DMD: variants seen among roughly 807,000 people sequenced by gnomAD.
The protein encoded by DMD is mutant dystrophin.
Under a neutral mutation model 330.1 loss-of-function variants are expected in DMD, and 63 were observed. That is an observed-to-expected ratio of 0.19 (90% confidence interval 0.16 to 0.24). The LOEUF is 0.24. Among genes scored for constraint, DMD ranks in the 10% least tolerant of loss-of-function variants. The probability of loss-of-function intolerance (pLI) is 1.00; values close to 1 mark genes in which losing one functional copy is unlikely to be tolerated. For synonymous variants in DMD, 1,223 were observed against 959.8 expected (o/e 1.27, Z -5.07); for missense variants, 3,344 against 2,684.1 (o/e 1.25, Z -5.43).
chrX:32,534,844 G>T (rs2047808916), intron 17 of DMD, among the ~76,000 whole-genome samples: 1 of 110,223 alleles, frequency 9.1e-6, no homozygotes, highest in Non-Finnish European at 1.9e-5. Flanking sequence ...ATTTAGGGAG[G>T]ACACAATTCA....
At chrX:32,617,876 C>A (rs1457204389) in intron 11 of DMD, among the ~76,000 whole-genome samples, 1 of 111,222 alleles carries the variant, frequency 9.0e-6, no homozygotes, top group East Asian at 2.8e-4. Flanking sequence ...AACTCCATAG[C>A]AAGAAAACAA....
At chrX:31,849,147 T>A (rs1011381313) in intron 48 of DMD, among the ~76,000 whole-genome samples, 1 of 110,260 alleles carries the variant, frequency 9.1e-6, no homozygotes, top group Non-Finnish European at 1.9e-5. Flanking sequence ...ATTATATATA[T>A]ATTAAGAATA....
intron 1 of DMD, among the ~76,000 whole-genome samples, chrX:33,061,647 T>G (rs1181967699): frequency 9.0e-6 from 1 of 111,715 alleles, no homozygotes; most frequent in Non-Finnish European, 1.9e-5. Flanking sequence ...AATAATTCCA[T>G]GATGCGGTTT....
intron 12 of DMD, 139 bp from the exon 13 acceptor site, chrX:32,596,015 G>A: frequency 1.8e-6 from 1 of 550,083 alleles, no homozygotes; most frequent in South Asian, 2.8e-5. Context: ...ACCATTCCAA[G>A]CCAATTTTCT....
At chrX:31,583,750 T>G (rs948631183) in intron 55 of DMD, among the ~76,000 whole-genome samples, 3 of 78,131 alleles carry the variant, frequency 3.8e-5, no homozygotes, top group South Asian at 4.7e-4. Context: ...CACCTAGAGA[T>G]ATATATATAT....
At chrX:31,977,512 A>G (rs1010524740) in intron 44 of DMD, among the ~76,000 whole-genome samples, 1 of 111,079 alleles carries the variant, frequency 9.0e-6, no homozygotes, top group South Asian at 3.8e-4. Flanking sequence ...AGCTTAGATT[A>G]CAGAACCCCC....
At chrX:32,544,135 T>A (rs1467683422) in intron 17 of DMD, among the ~76,000 whole-genome samples, 1 of 112,017 alleles carries the variant, frequency 8.9e-6, no homozygotes, top group East Asian at 2.8e-4. Flanking sequence ...CCTGGACTAG[T>A]GGATTTGCTT....
intron 60 of DMD, among the ~76,000 whole-genome samples, chrX:31,442,764 G>A (rs1046168660): frequency 1.8e-5 from 2 of 111,391 alleles, no homozygotes; most frequent in Non-Finnish European, 3.8e-5. Context: ...TACTTAAGAT[G>A]AAAAACATAC....
At chrX:32,517,977 G>A in intron 18 of DMD, 31 bp downstream of exon 18, 2 of 1,202,979 alleles carry the variant, frequency 1.7e-6, no homozygotes, top group Non-Finnish European at 2.3e-6. Context: ...CACAAAATGA[G>A]TACAGATATA....
At chrX:33,172,522 G>A (rs1223858935) in intron 1 of DMD, among the ~76,000 whole-genome samples, 1 of 110,830 alleles carries the variant, frequency 9.0e-6, no homozygotes, top group Non-Finnish European at 1.9e-5. Context: ...GAGAAAAATC[G>A]AAACAGAGAG....
chrX:31,177,776 A>G (rs887447578), intron 71 of DMD, among the ~76,000 whole-genome samples, 156 bp downstream of exon 71: 1 of 110,279 alleles, frequency 9.1e-6, no homozygotes, highest in African/African-American at 3.3e-5. Context: ...TCTCATCAAG[A>G]AAAGAAAAAA....
At chrX:32,235,171 T>G (rs1356854285) in intron 43 of DMD, among the ~76,000 whole-genome samples, 1 of 111,523 alleles carries the variant, frequency 9.0e-6, no homozygotes, top group African/African-American at 3.3e-5. Context: ...AGTGGGAGCC[T>G]TGAGCTTCCT....
At chrX:31,528,586 G>T (rs914780158) in intron 55 of DMD, among the ~76,000 whole-genome samples, 1 of 112,314 alleles carries the variant, frequency 8.9e-6, no homozygotes, top group African/African-American at 3.2e-5. Context: ...AGCACTGAGC[G>T]CACTCGAGGC....
rs1483358433 is a variant in DMD, at chrX:33,009,989, T to C, written c.93+10150A>G. On this transcript the variant is annotated intron_variant, in intron 2 of 78. Transcript: ENST00000357033. ...ACATATGTGTGTATACACATGTGTG[T>C]ATATACACGTATGTATGTGTATATA... 9.6e-5 allele frequency among the ~76,000 whole-genome samples: 3 copies of C among 31,326 alleles called. 1 individual carries two copies. 27.2% of individuals were successfully genotyped at this position (31,326 alleles called of 115,157 possible).
chrX:33,321,917 T>G (rs757121757), intron 1 of DMD, among the ~76,000 whole-genome samples: 4 of 112,008 alleles, frequency 3.6e-5, no homozygotes, highest in African/African-American at 9.7e-5. Context: ...AACCAACTTC[T>G]GCTAGCTTCC....
intron 60 of DMD, among the ~76,000 whole-genome samples, chrX:31,374,812 T>TA (rs1229636280): frequency 2.7e-5 from 3 of 110,110 alleles, no homozygotes; most frequent in African/African-American, 9.9e-5. Context: ...CCCTAAAACT[T>TA]AAAGTATAAT....
At chrX:32,239,686 C>T (rs2097200910) in intron 43 of DMD, among the ~76,000 whole-genome samples, 1 of 110,505 alleles carries the variant, frequency 9.0e-6, no homozygotes, top group Non-Finnish European at 1.9e-5. Flanking sequence ...GTATGTTATT[C>T]CAGTGGTGGA....
intron 13 of DMD, among the ~76,000 whole-genome samples, chrX:32,583,217 T>A (rs949860684): frequency 4.5e-5 from 5 of 112,032 alleles, no homozygotes; most frequent in African/African-American, 1.6e-4. Flanking sequence ...AGATACAGGC[T>A]GGGCCTGGTA....
At chrX:33,242,353 C>T (rs58899581) in intron 1 of DMD, among the ~76,000 whole-genome samples, 20,679 of 111,208 alleles carry the variant, frequency 0.19, 3,026 homozygotes, top group African/African-American at 0.51. Context: ...AGTGAGAACA[C>T]ACGATGTTTG....
Sources: gnomAD v4.1 joint callset for allele counts (sites outside exome capture counted in the v4.1 genomes callset) on GRCh38, gnomAD v4.1.1 for gene constraint, MANE v1.5 for transcripts, NCBI Gene and HGNC (gene_info 2026-07-23, HGNC 2026-07-21) for gene names.